CRYBG1: variants seen among roughly 807,000 people sequenced by gnomAD.
The protein encoded by CRYBG1 is beta/gamma crystallin domain-containing protein 1.
CRYBG1 carries 139 observed loss-of-function variants against 189.2 expected under a neutral mutation model. The ratio of observed to expected loss-of-function variants is 0.73; its 90% confidence interval spans 0.64 to 0.85. CRYBG1 has a LOEUF of 0.85. Ranked by LOEUF, CRYBG1 falls within the 40% of genes least tolerant of loss-of-function variation. The probability of loss-of-function intolerance (pLI) is 0.00; values close to 1 mark genes in which losing one functional copy is unlikely to be tolerated. For synonymous variants in CRYBG1, 1,023 were observed against 1,017.1 expected (o/e 1.01, Z -0.11); for missense variants, 2,611 against 2,675.8 (o/e 0.98, Z 0.53).
chr6:106,446,027 A>G (rs1428468339), intron 1 of CRYBG1, among the ~76,000 whole-genome samples: 1 of 152,204 alleles, frequency 6.6e-6, no homozygotes, highest in Non-Finnish European at 1.5e-5. Context: ...CAACACTGTC[A>G]GTCAGTCACA....
At chr6:106,486,963 G>T (rs79276429) in intron 2 of CRYBG1, among the ~76,000 whole-genome samples, 20,522 of 151,828 alleles carry the variant, frequency 0.14, 1,566 homozygotes, top group East Asian at 0.27. Flanking sequence ...TTGATTTCTG[G>T]TTTTTTTGTA....
chr6:106,460,238 G>A lies in CRYBG1; in HGVS notation c.312+8406G>A, dbSNP rs372231384. On this transcript the variant is annotated intron_variant, in intron 2 of 21. Coordinates refer to ENST00000633556, the MANE Select transcript of CRYBG1 (RefSeq NM_001371242.2). ...GATCTCCTGACCTCGTGATCCGCCC[G>A]CCTCTGCCTCCCAAAGTGCTGGGAT... 2.4e-4 allele frequency among the ~76,000 whole-genome samples: 37 copies of A among 152,080 alleles called. No homozygotes were observed. In the East Asian group the frequency reaches 4.6e-3, roughly 19 times the overall value.
intron 2 of CRYBG1, among the ~76,000 whole-genome samples, chr6:106,493,814 G>A (rs116727457): frequency 0.018 from 2,698 of 152,192 alleles, 73 homozygotes; most frequent in African/African-American, 0.062. Context: ...CAGGGGAGGG[G>A]AAGGGAGAGA....
At chr6:106,441,234 G>A (rs956195377) in intron 1 of CRYBG1, among the ~76,000 whole-genome samples, 3 of 152,186 alleles carry the variant, frequency 2.0e-5, no homozygotes, top group African/African-American at 7.2e-5. Flanking sequence ...TGGAGGGAGG[G>A]GAGAAGGAGG....
rs761415263 is a variant in CRYBG1 at position 106,519,475 on chromosome 6, C to A, written c.2267C>A (p.Ser756Ter). The A allele has an allele frequency of 6.2e-7, 1 of 1,613,998 alleles. No homozygotes were observed. Residue 756 changes from serine (S) to a stop codon, truncating the protein, a stop_gained, in exon 4 of 22, where the codon TCG becomes TAG. Transcript: ENST00000633556. LOFTEE classifies it high-confidence loss of function. ...ETAIETKVTV[S>*]EEEILPATRG... ...GCTATAGAAACCAAAGTTACCGTCT[C>A]GGAAGAAGAGATTCTGCCAGCAACC...
At chr6:106,366,140 G>C (rs7747478) in intron 1 of CRYBG1, among the ~76,000 whole-genome samples, 1 of 151,978 alleles carries the variant, frequency 6.6e-6, no homozygotes, top group Non-Finnish European at 1.5e-5. Flanking sequence ...GTTAGTCTTC[G>C]TAACTTAAAA....
rs1331838041 is a variant in CRYBG1 at position 106,570,909 on chromosome 6, A to C, written c.*2343A>C. ...AGGTCTACATCAAAAGTTACAAGCA[A>C]GCATATCAGGTGCAATACTGAGGAT... On this transcript the variant is annotated 3_prime_UTR_variant, in exon 22 of 22. Coordinates refer to ENST00000633556, the MANE Select transcript of CRYBG1 (RefSeq NM_001371242.2). 6.6e-6 allele frequency: 1 copy of C among 152,238 alleles called. No individual in the cohort carries two copies. The highest frequency in any genetic ancestry group is 6.5e-5 in the Admixed American group (1 of 15,278). 9.4% of individuals were successfully genotyped at this position (152,238 alleles called of 1,614,324 possible).
intron 2 of CRYBG1, among the ~76,000 whole-genome samples, chr6:106,483,374 G>GTA (rs1772511038): frequency 8.3e-6 from 1 of 120,100 alleles, no homozygotes; most frequent in African/African-American, 2.6e-5. Context: ...GTGTGTGTGT[G>GTA]TGTGTATATA....
At chr6:106,456,902 G>T (rs1422503425) in intron 2 of CRYBG1, among the ~76,000 whole-genome samples, 1 of 152,084 alleles carries the variant, frequency 6.6e-6, no homozygotes, top group African/African-American at 2.4e-5. Context: ...CCACTGTTGG[G>T]CTGGCCTAGG....
At chr6:106,432,565 T>G (rs1306836225) in intron 1 of CRYBG1, among the ~76,000 whole-genome samples, 1 of 152,178 alleles carries the variant, frequency 6.6e-6, no homozygotes, top group Non-Finnish European at 1.5e-5. Flanking sequence ...TTGCAAGGCT[T>G]GAACAATTGA....
intron 1 of CRYBG1, among the ~76,000 whole-genome samples, chr6:106,392,234 A>G (rs1770521747): frequency 6.6e-6 from 1 of 152,024 alleles, no homozygotes; most frequent in African/African-American, 2.4e-5. Flanking sequence ...CAATATATAA[A>G]TTGCCCTTTG....
chr6:106,414,554 CCACT>C (rs1426271078), intron 1 of CRYBG1, among the ~76,000 whole-genome samples: 2 of 152,160 alleles, frequency 1.3e-5, no homozygotes, highest in Non-Finnish European at 2.9e-5. Context: ...TAAGAAGAGC[CCACT>C]CAGTGAGTAG....
At position 106,514,246 on chromosome 6, in the gene CRYBG1, C is replaced by T. The variant is rs546867028; in HGVS notation, c.1922+1207C>T. ...TCACACTTCTGCTCCCTCACCACTCCCACTTAGCACAGGTGAATAATGATT... is the reference window on the plus strand; with the variant it reads ...TCACACTTCTGCTCCCTCACCACTCTCACTTAGCACAGGTGAATAATGATT... On this transcript the variant is annotated intron_variant, in intron 3 of 21. Transcript: ENST00000633556. Among the ~76,000 whole-genome samples, 4 of 152,304 alleles carry T rather than the reference C, an allele frequency of 2.6e-5. No homozygotes were observed. In the South Asian group the frequency reaches 8.3e-4, roughly 32 times the overall value.
chr6:106,473,051 G>A (rs955407537), intron 2 of CRYBG1, among the ~76,000 whole-genome samples: 1 of 151,886 alleles, frequency 6.6e-6, no homozygotes, highest in Non-Finnish European at 1.5e-5. Flanking sequence ...TTCAAATCTT[G>A]AGGTTGTGAT....
At chr6:106,532,439 G>A (rs937520234) in intron 8 of CRYBG1, among the ~76,000 whole-genome samples, 1 of 152,292 alleles carries the variant, frequency 6.6e-6, no homozygotes, top group Middle Eastern at 3.4e-3. Context: ...GAGATTGCAA[G>A]ATCACACAGG....
chr6:106,512,640 C>T lies in CRYBG1; in HGVS notation c.1523C>T (p.Pro508Leu). 4 of 1,589,128 alleles carry T rather than the reference C, an allele frequency of 2.5e-6. No homozygotes were observed. The highest frequency in any genetic ancestry group is 1.1e-5 in the South Asian group (1 of 87,948). Residue 508 changes from proline to leucine, a missense_variant, in exon 3 of 22, where the codon CCG becomes CTG. Pro to Leu is a moderately conservative substitution (Grantham distance 98). Transcript: ENST00000633556. ...GESDRSKQPP[P>L]ASSPTKRKGR... ...TCGGACCGGAGCAAACAGCCACCCC[C>T]GGCTTCGTCCCCCACGAAGAGGAAG... is the stretch of plus-strand genomic sequence containing the variant.
chr6:106,452,620 T>C (rs1315068198), intron 2 of CRYBG1, among the ~76,000 whole-genome samples: 6 of 152,174 alleles, frequency 3.9e-5, no homozygotes, highest in Non-Finnish European at 8.8e-5. Context: ...AAAAAGCACT[T>C]ATGCTTTTTT....
Position 106,392,581 on chromosome 6 carries a change from C to G in CRYBG1, c.173+31500C>G, listed in dbSNP as rs150323840. ...GAGGGAGATCTGATAGGACTGATAC[C>G]ATCTTGAAATTTTGAAAATTAAATT... On this transcript the variant is annotated intron_variant, in intron 1 of 21. Transcript: ENST00000633556. Among the ~76,000 whole-genome samples the G allele has an allele frequency of 6.5e-3, 996 of 152,130 alleles. 8 individuals are homozygous for G. Among genetic ancestry groups the G allele is most frequent in the African/African-American group, 0.022 (902 of 41,494 alleles).
intron 17 of CRYBG1, among the ~76,000 whole-genome samples, chr6:106,556,187 A>T (rs1774541879): frequency 2.0e-5 from 3 of 152,244 alleles, no homozygotes; most frequent in African/African-American, 7.2e-5. Context: ...ATGTAAGAAC[A>T]GGCAGTTTCA....
Sources: allele counts gnomAD v4.1 joint callset (sites outside exome capture counted in the v4.1 genomes callset), GRCh38; gene constraint gnomAD v4.1.1; transcripts MANE v1.5; gene names NCBI Gene and HGNC (gene_info 2026-07-23, HGNC 2026-07-21).